The following TXNDC11 variants were observed in gnomAD, a reference collection of about 807,000 sequenced individuals.
The protein encoded by TXNDC11 is thioredoxin domain containing 11, also known as thioredoxin domain-containing protein 11.
In TXNDC11, 68 loss-of-function variants were observed where a neutral mutation model predicts 78.0. That is an observed-to-expected ratio of 0.87 (90% confidence interval 0.72 to 1.07). The LOEUF (loss-of-function observed/expected upper bound fraction) is 1.07, where lower values mean the gene tolerates loss of function less well. Ranked by LOEUF, TXNDC11 falls within the 50% of genes least tolerant of loss-of-function variation. The pLI is 0.00. For missense variants in TXNDC11, 1,389 were observed against 1,221.8 expected (o/e 1.14, Z -2.04); for synonymous variants, 571 against 495.2 (o/e 1.15, Z -2.03).
At chr16:11,720,563 G>A (rs748869961) in intron 5 of TXNDC11, among the ~76,000 whole-genome samples, 20 of 151,532 alleles carry the variant, frequency 1.3e-4, no homozygotes, top group East Asian at 3.9e-4. Flanking sequence ...CTACAAGCAC[G>A]TGCCACCATG....
At chr16:11,698,787 G>A (rs985293364) in intron 6 of TXNDC11, among the ~76,000 whole-genome samples, 8 of 152,212 alleles carry the variant, frequency 5.3e-5, no homozygotes, top group Non-Finnish European at 7.3e-5. Flanking sequence ...GCCTCCGTGC[G>A]GCACAGGCTG....
intron 4 of TXNDC11, among the ~76,000 whole-genome samples, chr16:11,727,805 A>G (rs958309938): frequency 3.3e-5 from 5 of 152,192 alleles, no homozygotes; most frequent in African/African-American, 9.7e-5. Flanking sequence ...GATAAAAGAC[A>G]TGTTTTCTTC....
chr16:11,684,738 A>G (rs2050519061), intron 10 of TXNDC11, among the ~76,000 whole-genome samples: 1 of 152,216 alleles, frequency 6.6e-6, no homozygotes. Flanking sequence ...CATCTGTACT[A>G]ACTCACCCAG....
chr16:11,725,900 G>A (rs1233009190), intron 4 of TXNDC11, among the ~76,000 whole-genome samples: 2 of 152,106 alleles, frequency 1.3e-5, no homozygotes, highest in South Asian at 2.1e-4. Flanking sequence ...TTTTGAGATG[G>A]AGTCTCACTC....
chr16:11,742,689 G>T lies in TXNDC11; in HGVS notation c.42C>A (p.Ser14Arg). The T allele has an allele frequency of 6.9e-7, 1 of 1,459,062 alleles. No homozygotes were observed. Among genetic ancestry groups the T allele is most frequent in the Admixed American group, 2.5e-5 (1 of 40,522 alleles). The allele number at this position is 1,459,062 out of a possible 1,614,324, so 90.4% of individuals were successfully genotyped here. Residue 14 changes from serine (S) to arginine (R), a missense_variant, in exon 1 of 12, where the codon AGC (serine) becomes AGA (arginine). Transcript: ENST00000283033. ...CGGRGGGSSS[S>R]EDAEDEGGGG... Reference sequence around the variant, plus strand: ...CCCCTCCCTCGTCCTCGGCGTCCTCGCTGCTGCTGCTGCCGCCGCCGCGGC... The same window carrying T: ...CCCCTCCCTCGTCCTCGGCGTCCTCTCTGCTGCTGCTGCCGCCGCCGCGGC...
chr16:11,713,956 A>T (rs905867415), intron 5 of TXNDC11, among the ~76,000 whole-genome samples: 7 of 152,122 alleles, frequency 4.6e-5, no homozygotes, highest in African/African-American at 1.7e-4. Context: ...AAAATAAAGC[A>T]ATCTCCAAGC....
intron 5 of TXNDC11, among the ~76,000 whole-genome samples, chr16:11,709,270 GAGAC>G (rs1450077947): frequency 6.4e-5 from 5 of 78,362 alleles, no homozygotes; most frequent in African/African-American, 2.2e-4. Context: ...TTTTTTTTTT[GAGAC>G]AGAGTCTCGC....
At chr16:11,709,527 C>G (rs552375833) in intron 5 of TXNDC11, among the ~76,000 whole-genome samples, 2 of 144,416 alleles carry the variant, frequency 1.4e-5, no homozygotes, top group African/African-American at 5.2e-5. Context: ...CTCCGCCTCC[C>G]GGGTTCACGC....
At chr16:11,685,707 A>G (rs2050551367) in intron 10 of TXNDC11, among the ~76,000 whole-genome samples, 3 of 151,936 alleles carry the variant, frequency 2.0e-5, no homozygotes, top group Admixed American at 2.0e-4. Context: ...CCAAATGAAA[A>G]CCATTTACCA....
intron 5 of TXNDC11, among the ~76,000 whole-genome samples, chr16:11,713,738 G>A (rs888497727): frequency 6.6e-6 from 1 of 151,948 alleles, no homozygotes; most frequent in East Asian, 1.9e-4. Context: ...TTTTTAATAT[G>A]TTTATTTTAA....
intron 11 of TXNDC11, among the ~76,000 whole-genome samples, chr16:11,682,365 C>T (rs1375237941): frequency 1.3e-5 from 2 of 152,178 alleles, no homozygotes; most frequent in African/African-American, 2.4e-5. Flanking sequence ...TTCTTATGTT[C>T]GATATTTAGA....
chr16:11,707,194 A>T (rs1298851949), intron 5 of TXNDC11, among the ~76,000 whole-genome samples: 5 of 152,142 alleles, frequency 3.3e-5, no homozygotes, highest in African/African-American at 1.2e-4. Context: ...TGGGAGGCCA[A>T]GGTGGGTGGA....
rs541259137 is a variant in TXNDC11, at chr16:11,706,172, G to A, written c.794-5608C>T. ...GTTCAAGATCTCTGTTAACCATACA[G>A]TGACAACTGGTGTCAATGATCACTG... On this transcript the variant is annotated intron_variant, in intron 5 of 11. Transcript: ENST00000283033. Among the ~76,000 whole-genome samples, 8 of 152,308 alleles carry A rather than the reference G, an allele frequency of 5.3e-5. No individual in the cohort carries two copies. The South Asian group carries it at 1.4e-3, about 28-fold the overall frequency.
intron 3 of TXNDC11, among the ~76,000 whole-genome samples, chr16:11,732,943 T>C (rs2052097643): frequency 6.6e-6 from 1 of 152,208 alleles, no homozygotes; most frequent in Non-Finnish European, 1.5e-5. Flanking sequence ...CCAATCACCC[T>C]GAACAAAGTC....
At chr16:11,714,693 T>G (rs1279497673) in intron 5 of TXNDC11, among the ~76,000 whole-genome samples, 1 of 152,042 alleles carries the variant, frequency 6.6e-6, no homozygotes, top group Non-Finnish European at 1.5e-5. Flanking sequence ...AAAGCTTTCT[T>G]CGCTTGGAGG....
In TXNDC11 at chr16:11,717,846, A is replaced by G. The variant is rs181597176; in HGVS notation, c.793+3731T>C. ...AAAAAAAAAAAAGAAAGGCTAATAC[A>G]ATAATGGACAGAAATATGCACAAGA... On this transcript the variant is annotated intron_variant, in intron 5 of 11. Transcript: ENST00000283033. Among the ~76,000 whole-genome samples, 235 of 151,998 alleles carry G rather than the reference A, an allele frequency of 1.5e-3. 3 individuals carry two copies. In the Middle Eastern group the frequency reaches 0.027, roughly 18 times the overall value.
At chr16:11,702,048 T>G (rs998527709) in intron 5 of TXNDC11, among the ~76,000 whole-genome samples, 6 of 150,824 alleles carry the variant, frequency 4.0e-5, no homozygotes, top group African/African-American at 1.5e-4. Flanking sequence ...CTCACACTTA[T>G]AAAAGTTATG....
Position 11,691,959 on chromosome 16 carries a change from G to A in TXNDC11, c.1231C>T (p.Gln411Ter), listed in dbSNP as rs1377783458. 6.2e-7 allele frequency: 1 copy of A among 1,609,818 alleles called. No individual in the cohort carries two copies. Among genetic ancestry groups the A allele is most frequent in the African/African-American group, 1.3e-5 (1 of 74,892 alleles). The change falls in exon 8 of 12, where the codon CAG (glutamine) becomes TAG (stop). Residue 411 changes from glutamine (Q) to a stop codon, truncating the protein, a stop_gained. Transcript: ENST00000283033. LOFTEE classifies it high-confidence loss of function. Reference sequence around the variant, plus strand: ...GTGATCGTTGGCGGGTCTGGCAGCTGTGCCGGCACTTCCAGGGCCAGGGAC... The same window carrying A: ...GTGATCGTTGGCGGGTCTGGCAGCTATGCCGGCACTTCCAGGGCCAGGGAC... ...LESLALEVPA[Q>*]LPDPPTITAS...
intron 7 of TXNDC11, 69 bp downstream of exon 7, chr16:11,698,056 G>T: frequency 2.8e-6 from 4 of 1,439,838 alleles, no homozygotes; most frequent in Non-Finnish European, 3.9e-6. Flanking sequence ...CTGAGTGTGG[G>T]ATGAGAGGAG....
Sources: allele counts gnomAD v4.1 joint callset (sites outside exome capture counted in the v4.1 genomes callset), GRCh38; gene constraint gnomAD v4.1.1; transcripts MANE v1.5; gene names NCBI Gene and HGNC (gene_info 2026-07-23, HGNC 2026-07-21).